Variants in MORC2 observed in about 807,000 individuals in gnomAD.
MORC2 encodes ATPase MORC2.
MORC2 carries 30 observed loss-of-function variants against 136.0 expected under a neutral mutation model. The observed-to-expected ratio is 0.22, with a 90% CI of 0.17 to 0.30. The LOEUF (loss-of-function observed/expected upper bound fraction) is 0.30. Among genes scored for constraint, MORC2 ranks in the 10% least tolerant of loss-of-function variants. The pLI is 1.00. For missense variants in MORC2, 922 were observed against 1,333.1 expected, an observed-to-expected ratio of 0.69 and a Z score of 4.80; for synonymous variants, 439 against 487.0, an observed-to-expected ratio of 0.90 and a Z score of 1.30.
At chr22:30,954,332 G>A (rs2040934666) in intron 3 of MORC2, among the ~76,000 whole-genome samples, 1 of 152,160 alleles carries the variant, frequency 6.6e-6, no homozygotes, top group South Asian at 2.1e-4. Flanking sequence ...AGGCCCTGTG[G>A]TAGAAAAGTG....
rs1014862592 is a variant in MORC2, at chr22:30,935,195, A to T, written c.1813-34T>A. On this transcript the variant is annotated intron_variant, in intron 18 of 25. Coordinates refer to ENST00000397641, the MANE Select transcript of MORC2 (RefSeq NM_001303256.3). Reference sequence around the variant, plus strand: ...AGGCCCACAGAGAGTGAGAACACTGATCCTAGCATGAGACACCTGAGGAAA... The same window carrying T: ...AGGCCCACAGAGAGTGAGAACACTGTTCCTAGCATGAGACACCTGAGGAAA... 2.5e-6 allele frequency: 4 copies of T among 1,612,426 alleles called. No individual in the cohort carries two copies. The African/African-American group carries it at 5.3e-5, about 22-fold the overall frequency.
intron 5 of MORC2, among the ~76,000 whole-genome samples, chr22:30,947,804 G>C (rs1225096496): frequency 6.6e-6 from 1 of 152,102 alleles, no homozygotes; most frequent in African/African-American, 2.4e-5. Context: ...CTCTCACTTT[G>C]TGCCTCTATC....
Position 30,968,717 on chromosome 22 carries a change from G to A in MORC2, c.-828C>T, listed in dbSNP as rs532561835. ...GAGCTACTCCCGGCTTCCAAGGACCGGATCGAGGGCAGTGGCGAGCGCACC... is the reference window on the plus strand; with the variant it reads ...GAGCTACTCCCGGCTTCCAAGGACCAGATCGAGGGCAGTGGCGAGCGCACC... On this transcript the variant is annotated 5_prime_UTR_variant, in exon 1 of 26. Transcript: ENST00000397641. 3.6e-4 allele frequency among the ~76,000 whole-genome samples: 55 copies of A among 152,088 alleles called. No homozygotes were observed. Among genetic ancestry groups the A allele is most frequent in the Non-Finnish European group, 6.0e-4 (41 of 68,008 alleles).
chr22:30,962,217 AAAAGAAAG>A (rs989342630), intron 1 of MORC2, among the ~76,000 whole-genome samples: 1 of 151,642 alleles, frequency 6.6e-6, no homozygotes, highest in African/African-American at 2.4e-5. Flanking sequence ...CAAAAAAAAA[AAAAGAAAG>A]AAAGAAAGAA....
chr22:30,934,827 T>C lies in MORC2; in HGVS notation c.2147A>G (p.Lys716Arg), dbSNP rs750868340. ...CTCTGTCTTCTTCACCACTGGAGTCTTGATGACTTTGGGAGAAGGAACCTC... is the reference window on the plus strand; with the variant it reads ...CTCTGTCTTCTTCACCACTGGAGTCCTGATGACTTTGGGAGAAGGAACCTC... ...PREVPSPKVIKTPVVKKTESP... is the reference protein window; with the variant it reads ...PREVPSPKVIRTPVVKKTESP... Residue 716 changes from lysine (K) to arginine (R), a missense_variant, in exon 19 of 26, where the codon AAG becomes AGG. This residue lies in a region of MORC2 where 184 missense variants were observed against 180.3 expected (regional missense o/e 1.02). Transcript: ENST00000397641. This position sits in a 1 kb window ranked among gnomAD's most constrained non-coding sequence, Gnocchi z 4.4. 1 of 1,614,150 alleles carries C rather than the reference T, an allele frequency of 6.2e-7. No homozygotes were observed. The highest frequency in any genetic ancestry group is 8.5e-7 in the Non-Finnish European group (1 of 1,180,028).
chr22:30,927,972 T>C (rs746914745), intron 25 of MORC2, 47 bp downstream of exon 25: 2 of 1,607,078 alleles, frequency 1.2e-6, no homozygotes, highest in South Asian at 1.1e-5. Flanking sequence ...CCCCCCTCCC[T>C]GAGAGACCAG....
rs60514280 is a variant in MORC2, at chr22:30,926,550, CAAAAAAAAAAAAAAAA to C, written c.*237_*252del. 7.8e-4 allele frequency: 20 copies of C among 25,786 alleles called. No homozygotes were observed. Among genetic ancestry groups the C allele is most frequent in the Admixed American group, 3.2e-3 (4 of 1,252 alleles). The allele number at this position is 25,786 out of a possible 1,614,324, so 1.6% of individuals were successfully genotyped here. On this transcript the variant is annotated 3_prime_UTR_variant, in exon 26 of 26. Coordinates refer to ENST00000397641, the MANE Select transcript of MORC2 (RefSeq NM_001303256.3). ...AAGGTTCTCTGTCCTTTGCAGTCAC[CAAAAAAAAAAAAAAAA>C]AAAAAAAAAAAAAAAAAAAAGTATG... is the stretch of plus-strand genomic sequence containing the variant.
chr22:30,962,113 G>A (rs550929780), intron 1 of MORC2, among the ~76,000 whole-genome samples: 12 of 151,624 alleles, frequency 7.9e-5, no homozygotes, highest in South Asian at 2.1e-4. Context: ...CAGGAGAATC[G>A]CTTGAACCCG....
rs575282843 is a variant in MORC2 at position 30,963,430 on chromosome 22, G to A, written c.68+4392C>T. 929 of 532,266 alleles carry A rather than the reference G, an allele frequency of 1.7e-3. 12 individuals carry two copies. The Middle Eastern group carries it at 0.02, about 11-fold the overall frequency. The allele number at this position is 532,266 out of a possible 1,614,324, so 33.0% of individuals were successfully genotyped here. A position where few individuals can be genotyped will look rare whatever the true frequency, so the allele number is the denominator to read the frequency against. ...AGATGGAGTCTTGCTCTGTTGCCCC[G>A]GCTGGAGTGCAGCGGCATGATCTCA... On this transcript the variant is annotated intron_variant, in intron 1 of 25. Coordinates refer to ENST00000397641, the MANE Select transcript of MORC2 (RefSeq NM_001303256.3).
chr22:30,939,873 G>A, intron 11 of MORC2, 86 bp downstream of exon 11: 1 of 1,443,100 alleles, frequency 6.9e-7, no homozygotes, highest in Non-Finnish European at 9.5e-7. Context: ...AAACTCAAAA[G>A]CTGTGTTTTA....
At chr22:30,958,570 G>A in intron 2 of MORC2, 71 bp downstream of exon 2, 1 of 1,275,710 alleles carries the variant, frequency 7.8e-7, no homozygotes. Flanking sequence ...CAAGTCTTCA[G>A]AGAGCAAAGG....
At chr22:30,958,200 T>C (rs2040993843) in intron 2 of MORC2, among the ~76,000 whole-genome samples, 1 of 152,236 alleles carries the variant, frequency 6.6e-6, no homozygotes. Flanking sequence ...GATCATTTAG[T>C]TATCTGACAA....
intron 1 of MORC2, among the ~76,000 whole-genome samples, chr22:30,960,656 T>A (rs560367420): frequency 6.6e-6 from 1 of 151,588 alleles, no homozygotes; most frequent in South Asian, 2.1e-4. Context: ...GCCCGGCTAA[T>A]TTTTTTGTAT....
Position 30,928,125 on chromosome 22 carries a change from G to T in MORC2, c.2924C>A (p.Ala975Asp). 6.2e-7 allele frequency: 1 copy of T among 1,614,136 alleles called. No individual in the cohort carries two copies. The highest frequency in any genetic ancestry group is 1.3e-5 in the African/African-American group (1 of 75,036). Residue 975 changes from alanine to aspartate, a missense_variant, in exon 25 of 26, where the codon GCC (alanine) becomes GAC (aspartate). Ala to Asp is a moderately radical substitution (Grantham distance 126). This residue lies in a region of MORC2 where 263 missense variants were observed against 388.3 expected (regional missense o/e 0.68). Coordinates refer to ENST00000397641, the MANE Select transcript of MORC2 (RefSeq NM_001303256.3). ...GGAGGTGCGCAGGCTTTCCTCGGAG[G>T]CCTTGGCCCGGGAGTCAGCACGGCT... ...YQSRADSRAKASEESLRTSER... is the reference protein window; with the variant it reads ...YQSRADSRAKDSEESLRTSER...
Position 30,942,201 on chromosome 22 carries a change from G to T in MORC2, c.497C>A (p.Ala166Asp). 1.2e-6 allele frequency: 2 copies of T among 1,614,056 alleles called. No individual in the cohort carries two copies. The highest frequency in any genetic ancestry group is 4.5e-5 in the East Asian group (2 of 44,886). The change falls in exon 7 of 26, where the codon GCC becomes GAC. Residue 166 changes from alanine to aspartate, a missense_variant. Physicochemically the swap from Ala to Asp is moderately radical, Grantham distance 126 (BLOSUM62 -2). Coordinates refer to ENST00000397641, the MANE Select transcript of MORC2 (RefSeq NM_001303256.3). ...EPVTDNVEKF[A>D]IETELIYKYS... is the part of the protein sequence containing the mutation. ...CTTATAGATGAGTTCTGTCTCAATGGCAAATTTCTCTACATTGTCTGTGAC... is the reference window on the plus strand; with the variant it reads ...CTTATAGATGAGTTCTGTCTCAATGTCAAATTTCTCTACATTGTCTGTGAC...
At chr22:30,957,872 G>A (rs1311508169) in intron 2 of MORC2, among the ~76,000 whole-genome samples, 2 of 152,164 alleles carry the variant, frequency 1.3e-5, no homozygotes, top group African/African-American at 2.4e-5. Context: ...AATTATCAGC[G>A]AGCACATTAA....
At chr22:30,931,349 A>C (rs2040573888) in intron 24 of MORC2, among the ~76,000 whole-genome samples, 1 of 152,228 alleles carries the variant, frequency 6.6e-6, no homozygotes, top group South Asian at 2.1e-4. Flanking sequence ...GTTGCCACAG[A>C]GACTGTATAG....
intron 3 of MORC2, among the ~76,000 whole-genome samples, chr22:30,952,416 G>T (rs541807878): frequency 6.6e-6 from 1 of 152,312 alleles, no homozygotes; most frequent in Admixed American, 6.5e-5. Flanking sequence ...CTTGTGTTAG[G>T]ATAGAACTCT....
At chr22:30,931,214 A>G (rs2040571450) in intron 24 of MORC2, among the ~76,000 whole-genome samples, 1 of 152,234 alleles carries the variant, frequency 6.6e-6, no homozygotes, top group African/African-American at 2.4e-5. Context: ...GGGAAGGGGC[A>G]GCAGATTACA....
Sources: allele counts gnomAD v4.1 joint callset (sites outside exome capture counted in the v4.1 genomes callset), GRCh38; gene constraint gnomAD v4.1.1; regional missense constraint gnomAD v4.1.1; non-coding constraint Gnocchi (gnomAD v3.1); transcripts MANE v1.5; gene names NCBI Gene and HGNC (gene_info 2026-07-23, HGNC 2026-07-21).